CAST: variants seen among roughly 807,000 people sequenced by gnomAD.
CAST encodes the protein MIR583 host.
Under a neutral mutation model 119.6 loss-of-function variants are expected in CAST, and 76 were observed. That is an observed-to-expected ratio of 0.64 (90% CI 0.53 to 0.77). CAST has a LOEUF of 0.77. Among genes scored for constraint, CAST ranks in the 30% least tolerant of loss-of-function variants. The pLI is 0.00. For missense variants in CAST, 953 were observed against 946.5 expected (o/e 1.01, Z -0.09); for synonymous variants, 319 against 331.6 (o/e 0.96, Z 0.41).
the CAST span, among the ~76,000 whole-genome samples, chr5:96,128,525 CCTCAA>C: frequency 6.6e-6 from 1 of 151,894 alleles, no homozygotes; most frequent in African/African-American, 2.4e-5. Context: ...TAGATTTTCC[CCTCAA>C]TTTAACCTTG....
the CAST span, among the ~76,000 whole-genome samples, chr5:96,450,174 A>G: frequency 6.6e-6 from 1 of 152,196 alleles, no homozygotes; most frequent in African/African-American, 2.4e-5. Context: ...TCAAGAGATG[A>G]CGACTGGATT....
At chr5:96,243,272 A>G in the CAST span, among the ~76,000 whole-genome samples, 5 of 151,160 alleles carry the variant, frequency 3.3e-5, no homozygotes, top group East Asian at 9.8e-4. Flanking sequence ...TCTCTCTGGC[A>G]ATGGAAGTTT....
the CAST span, among the ~76,000 whole-genome samples, chr5:96,109,264 C>T: frequency 4.6e-5 from 7 of 152,186 alleles, no homozygotes; most frequent in Non-Finnish European, 7.4e-5. Context: ...TGCTTTCTAT[C>T]AGAATTATAA....
At chr5:96,357,456 T>C in the CAST span, among the ~76,000 whole-genome samples, 1 of 152,194 alleles carries the variant, frequency 6.6e-6, no homozygotes, top group African/African-American at 2.4e-5. Context: ...CAGTACGATA[T>C]TGGCTGTGGG....
In CAST at chr5:96,553,451, A is replaced by G. The variant is rs1746174917; in HGVS notation, c.60+23571A>G. 2.6e-5 allele frequency among the ~76,000 whole-genome samples: 4 copies of G among 152,220 alleles called. No homozygotes were observed. The South Asian group carries it at 8.3e-4, about 31-fold the overall frequency. The stretch of plus-strand genomic sequence containing the variant: ...TATTTATGACAAACCCACAACCAGT[A>G]TCATACTGAATGTGTAAACCTGGGA... On this transcript the variant is annotated intron_variant, in intron 1 of 11. Transcript: ENST00000505143.
chr5:96,678,724 G>A (rs993269735), intron 2 of CAST, among the ~76,000 whole-genome samples: 6 of 151,950 alleles, frequency 3.9e-5, no homozygotes, highest in African/African-American at 1.2e-4. Flanking sequence ...GCGCGCACCC[G>A]TAGTCCCACC....
At chr5:96,342,134 A>C in the CAST span, among the ~76,000 whole-genome samples, 1 of 152,334 alleles carries the variant, frequency 6.6e-6, no homozygotes, top group East Asian at 1.9e-4. Context: ...GATGCCCTCC[A>C]GGTGTGCCCT....
chr5:96,348,705 G>A, the CAST span, among the ~76,000 whole-genome samples: 1 of 152,106 alleles, frequency 6.6e-6, no homozygotes, highest in Non-Finnish European at 1.5e-5. Context: ...GACAGATGGT[G>A]TACAGAGGAG....
the CAST span, among the ~76,000 whole-genome samples, chr5:96,325,623 G>A: frequency 5.9e-4 from 90 of 152,024 alleles, no homozygotes; most frequent in African/African-American, 1.2e-3. Flanking sequence ...GGGACTACAG[G>A]TGCATGCTAC....
chr5:96,048,265 G>A, the CAST span, among the ~76,000 whole-genome samples: 129 of 152,242 alleles, frequency 8.5e-4, no homozygotes, highest in African/African-American at 2.8e-3. Context: ...ATGGAGAATG[G>A]CTGAGAAAAG....
chr5:96,654,717 G>A (rs977150351), intron 1 of CAST, among the ~76,000 whole-genome samples: 1 of 152,078 alleles, frequency 6.6e-6, no homozygotes, highest in East Asian at 1.9e-4. Flanking sequence ...AACAAAAAAG[G>A]GGCATCTGGA....
chr5:96,329,313 C>A, the CAST span, among the ~76,000 whole-genome samples: 1 of 152,224 alleles, frequency 6.6e-6, no homozygotes, highest in Non-Finnish European at 1.5e-5. Flanking sequence ...CATATTACTT[C>A]TCTTAATATT....
chr5:96,350,869 T>A, the CAST span, among the ~76,000 whole-genome samples: 1 of 152,132 alleles, frequency 6.6e-6, no homozygotes, highest in Admixed American at 6.6e-5. Context: ...CAATCACAAC[T>A]GGAACTGATT....
At chr5:96,735,161 G>A (rs1157921366) in intron 9 of CAST, among the ~76,000 whole-genome samples, 2 of 152,210 alleles carry the variant, frequency 1.3e-5, no homozygotes, top group South Asian at 2.1e-4. Flanking sequence ...CAATTACATA[G>A]CAAGTACTTA....
At chr5:96,614,173 T>A (rs1747413495) in intron 1 of CAST, among the ~76,000 whole-genome samples, 1 of 152,168 alleles carries the variant, frequency 6.6e-6, no homozygotes, top group Non-Finnish European at 1.5e-5. Context: ...TTAATTAACA[T>A]GATTAAAGGT....
the CAST span, among the ~76,000 whole-genome samples, chr5:96,470,554 C>G: frequency 6.6e-6 from 1 of 152,032 alleles, no homozygotes. Flanking sequence ...TGAAACATTT[C>G]AGAGCACTGT....
the CAST span, among the ~76,000 whole-genome samples, chr5:96,403,591 G>A: frequency 2.6e-5 from 4 of 152,158 alleles, no homozygotes; most frequent in Non-Finnish European, 5.9e-5. Context: ...TTTAAACACT[G>A]CATTGAGTGG....
At chr5:96,743,746 A>G (rs759705487) in intron 16 of CAST, 3 of 1,574,676 alleles carry the variant, frequency 1.9e-6, no homozygotes. Context: ...TCCAGGACCA[A>G]GTAATGTATT....
the CAST span, among the ~76,000 whole-genome samples, chr5:96,505,194 A>C: frequency 6.6e-6 from 1 of 152,378 alleles, no homozygotes; most frequent in Admixed American, 6.5e-5. Context: ...CAAAATGTTA[A>C]AAAATAAAAC....
Sources: allele counts gnomAD v4.1 joint callset (sites outside exome capture counted in the v4.1 genomes callset), GRCh38; gene constraint gnomAD v4.1.1; transcripts MANE v1.5; gene names NCBI Gene and HGNC (gene_info 2026-07-23, HGNC 2026-07-21).